Variants in DNAH8 observed in about 807,000 individuals in gnomAD.
DNAH8 encodes axonemal beta dynein heavy chain 8.
Under a neutral mutation model 562.1 loss-of-function variants are expected in DNAH8, and 382 were observed. The ratio of observed to expected loss-of-function variants is 0.68; its 90% CI spans 0.63 to 0.74. The LOEUF is 0.74. Among genes scored for constraint, DNAH8 ranks in the 30% least tolerant of loss-of-function variants. The probability of loss-of-function intolerance (pLI) is 0.00; values close to 1 mark genes in which losing one functional copy is unlikely to be tolerated. For synonymous variants in DNAH8, 1,881 were observed against 1,919.4 expected (o/e 0.98, Z 0.52); for missense variants, 5,203 against 5,620.4 (o/e 0.93, Z 2.37).
chr6:38,946,974 A>T (rs970729248), intron 80 of DNAH8, among the ~76,000 whole-genome samples: 1 of 152,194 alleles, frequency 6.6e-6, no homozygotes, highest in African/African-American at 2.4e-5. Flanking sequence ...ACTAGGTTTT[A>T]ACTACTCATG....
chr6:38,990,029 G>T lies in DNAH8; in HGVS notation c.13071G>T (p.Lys4357Asn), dbSNP rs758357466. ...ACATACAGGTCTGGTTCAGTGAGAA[G>T]ATGTTTGAACCGTCATTCTGCTTTT... Reference protein sequence around the residue: ...NCFARVWFSEKMFEPSFCFYT... With the variant: ...NCFARVWFSENMFEPSFCFYT... The change falls in exon 88 of 93, where the codon AAG becomes AAT. Residue 4357 changes from lysine to asparagine, a missense_variant. Lys to Asn is a moderately conservative substitution (Grantham distance 94). Transcript: ENST00000327475. The T allele has an allele frequency of 6.3e-7, 1 of 1,597,242 alleles. No individual in the cohort carries two copies. The highest frequency in any genetic ancestry group is 1.3e-5 in the African/African-American group (1 of 74,646).
At chr6:38,955,144 T>C (rs1304032152) in intron 82 of DNAH8, among the ~76,000 whole-genome samples, 4 of 152,042 alleles carry the variant, frequency 2.6e-5, no homozygotes, top group South Asian at 2.1e-4. Flanking sequence ...CATTTTGTTT[T>C]CTGTTTTTTT....
intron 92 of DNAH8, among the ~76,000 whole-genome samples, chr6:39,027,834 A>G (rs1767399046): frequency 6.6e-6 from 1 of 152,128 alleles, no homozygotes; most frequent in Non-Finnish European, 1.5e-5. Context: ...TCAAATAAAT[A>G]AATAAATAAA....
At chr6:38,887,730 A>G (rs1215651531) in intron 57 of DNAH8, among the ~76,000 whole-genome samples, 1 of 151,868 alleles carries the variant, frequency 6.6e-6, no homozygotes, top group Non-Finnish European at 1.5e-5. Context: ...CAAACCCCCA[A>G]TCCACCCCAA....
At chr6:38,837,020 C>T (rs1399556505) in intron 32 of DNAH8, among the ~76,000 whole-genome samples, 3 of 152,076 alleles carry the variant, frequency 2.0e-5, no homozygotes, top group Admixed American at 2.0e-4. Flanking sequence ...CACATAGTCC[C>T]ACTCTTCATA....
chr6:38,874,074 TTCTTTCTTTC>T (rs1777733330), intron 52 of DNAH8, among the ~76,000 whole-genome samples: 3 of 100,548 alleles, frequency 3.0e-5, no homozygotes, highest in Non-Finnish European at 6.2e-5. Context: ...TTCTTTTTCT[TTCTTTCTTTC>T]TTTCTTTCTT....
At chr6:38,834,015 C>T (rs1259411737) in intron 31 of DNAH8, among the ~76,000 whole-genome samples, 6 of 152,118 alleles carry the variant, frequency 3.9e-5, no homozygotes, top group Admixed American at 1.3e-4. Context: ...GATTATTTTG[C>T]AACTGTGTTC....
In DNAH8 at chr6:39,012,216, T is replaced by G; in HGVS notation, c.13373T>G (p.Val4458Gly). ...ATTGCATTGTTTACTTTGTTTTAGGTGAAATCTCGTTTGATAAAGATGGGC... is the reference window on the plus strand; with the variant it reads ...ATTGCATTGTTTACTTTGTTTTAGGGGAAATCTCGTTTGATAAAGATGGGC... Reference protein sequence around the residue: ...KLPPDYIPHEVKSRLIKMGHL... With the variant: ...KLPPDYIPHEGKSRLIKMGHL... The change falls in exon 90 of 93, where the codon GTG (valine) becomes GGG (glycine). Residue 4458 changes from valine (V) to glycine (G), a missense_variant and splice_region_variant. By Grantham distance (109) the Val-to-Gly change is moderately radical (BLOSUM62 -3). Coordinates refer to ENST00000327475, the MANE Select transcript of DNAH8 (RefSeq NM_001206927.2). 1 of 1,598,960 alleles carries G rather than the reference T, an allele frequency of 6.3e-7. No homozygotes were observed. The highest frequency in any genetic ancestry group is 8.5e-7 in the Non-Finnish European group (1 of 1,170,118).
At chr6:38,956,170 C>T (rs56733566) in intron 82 of DNAH8, among the ~76,000 whole-genome samples, 13,595 of 152,270 alleles carry the variant, frequency 0.089, 673 homozygotes, top group Middle Eastern at 0.11. Context: ...AGGAGGCTTG[C>T]TCATATCTAG....
chr6:38,958,041 T>C (rs1445613957), intron 82 of DNAH8, among the ~76,000 whole-genome samples: 1 of 152,022 alleles, frequency 6.6e-6, no homozygotes, highest in Admixed American at 6.6e-5. Context: ...TCTTGTTGTC[T>C]CCCAGGCTGG....
chr6:38,812,613 C>T (rs1583070397), intron 24 of DNAH8, among the ~76,000 whole-genome samples: 1 of 152,076 alleles, frequency 6.6e-6, no homozygotes, highest in East Asian at 1.9e-4. Flanking sequence ...CAACTAACAA[C>T]TTGTATTTGT....
chr6:39,001,725 TC>T (rs1248798441), intron 88 of DNAH8, among the ~76,000 whole-genome samples: 3 of 152,198 alleles, frequency 2.0e-5, no homozygotes, highest in Non-Finnish European at 4.4e-5. Context: ...TCAGATTTTA[TC>T]CTGAAGGTTA....
At chr6:38,977,268 A>ACGC (rs1763740246) in intron 85 of DNAH8, among the ~76,000 whole-genome samples, 4 of 152,112 alleles carry the variant, frequency 2.6e-5, no homozygotes, top group Admixed American at 2.6e-4. Context: ...GCACGAGGCA[A>ACGC]CGCCGCACTA....
chr6:38,845,481 C>G (rs974895227), intron 35 of DNAH8, 93 bp from the exon 36 acceptor site: 22 of 892,902 alleles, frequency 2.5e-5, no homozygotes, highest in Non-Finnish European at 3.5e-5. Context: ...ACTTACAGGT[C>G]CCTTTCAAGC....
chr6:38,816,931 G>A (rs1205272954), intron 26 of DNAH8, among the ~76,000 whole-genome samples: 1 of 152,054 alleles, frequency 6.6e-6, no homozygotes, highest in Non-Finnish European at 1.5e-5. Context: ...TTTCTGATGG[G>A]GTTGAGAAAC....
At chr6:38,944,633 T>C (rs575436940) in intron 79 of DNAH8, among the ~76,000 whole-genome samples, 30 of 152,312 alleles carry the variant, frequency 2.0e-4, no homozygotes, top group Non-Finnish European at 3.7e-4. Flanking sequence ...CATTGGAAAA[T>C]GCTGGGTATG....
intron 17 of DNAH8, among the ~76,000 whole-genome samples, chr6:38,785,338 A>G (rs1392822366): frequency 6.6e-6 from 1 of 152,116 alleles, no homozygotes; most frequent in African/African-American, 2.4e-5. Context: ...ATGGTGGTTC[A>G]CATACGATGA....
At chr6:38,777,446 C>T (rs1472980666) in intron 13 of DNAH8, among the ~76,000 whole-genome samples, 4 of 151,998 alleles carry the variant, frequency 2.6e-5, no homozygotes, top group Admixed American at 1.3e-4. Flanking sequence ...AATTTTTCTT[C>T]GTTTTCCAAT....
chr6:38,715,960 A>ATATTTTTTTTTTTTTTTTTTT, intron 1 of DNAH8, among the ~76,000 whole-genome samples: 1 of 23,628 alleles, frequency 4.2e-5, no homozygotes, highest in Non-Finnish European at 6.2e-5. Flanking sequence ...ATATATATAT[A>ATATTTTTTTTTTTTTTTTTTT]TTTTTTTTTT....
Sources: gnomAD v4.1 joint callset for allele counts (sites outside exome capture counted in the v4.1 genomes callset) on GRCh38, gnomAD v4.1.1 for gene constraint, MANE v1.5 for transcripts, NCBI Gene and HGNC (gene_info 2026-07-23, HGNC 2026-07-21) for gene names.